Variants in NBDY observed in about 807,000 individuals in gnomAD.
NBDY encodes the protein negative regulator of P-body association.
At chrX:56,761,450 G>A (rs889875576) in intron 2 of NBDY, among the ~76,000 whole-genome samples, 1 of 113,327 alleles carries the variant, frequency 8.8e-6, no homozygotes, top group Non-Finnish European at 1.9e-5. Context: ...CACATGCAGT[G>A]CAGACCTGGG....
intron 2 of NBDY, among the ~76,000 whole-genome samples, chrX:56,794,796 T>G (rs1055211624): frequency 4.5e-5 from 5 of 112,312 alleles, no homozygotes; most frequent in African/African-American, 1.6e-4. Context: ...CAGCAGTCTT[T>G]TTCTTGCTGA....
chrX:56,818,473 C>T lies in NBDY; in HGVS notation c.*1320C>T, dbSNP rs1031822524. The T allele has an allele frequency of 1.8e-5, 2 of 111,820 alleles. No individual in the cohort carries two copies. The highest frequency in any genetic ancestry group is 3.2e-5 in the African/African-American group (1 of 30,788). 9.2% of individuals were successfully genotyped at this position (111,820 alleles called of 1,213,427 possible). On this transcript the variant is annotated 3_prime_UTR_variant, in exon 3 of 3. Transcript: ENST00000374922. ...TTATTTTAAAGATTGTATAATATTA[C>T]TAATCACACATTAGAGTTTTAAAAC...
chrX:56,739,675 G>T (rs144893057), intron 2 of NBDY, among the ~76,000 whole-genome samples: 1 of 110,782 alleles, frequency 9.0e-6, no homozygotes, highest in African/African-American at 3.3e-5. Flanking sequence ...CATGATGCTG[G>T]TTTGACCCTT....
intron 2 of NBDY, among the ~76,000 whole-genome samples, chrX:56,797,355 T>C (rs1429956444): frequency 1.8e-5 from 2 of 109,927 alleles, no homozygotes; most frequent in Admixed American, 9.9e-5. Flanking sequence ...TTCCTTTTTT[T>C]TTCACTTTTG....
intron 2 of NBDY, among the ~76,000 whole-genome samples, chrX:56,733,730 T>C (rs1419409133): frequency 8.9e-6 from 1 of 112,444 alleles, no homozygotes; most frequent in Non-Finnish European, 1.9e-5. Context: ...TTGTTCACTT[T>C]CTAACCATCC....
At chrX:56,745,434 C>T (rs768793072) in intron 2 of NBDY, among the ~76,000 whole-genome samples, 1 of 110,299 alleles carries the variant, frequency 9.1e-6, no homozygotes, top group African/African-American at 3.3e-5. Flanking sequence ...TATATACATA[C>T]ACAGATTTTT....
intron 2 of NBDY, among the ~76,000 whole-genome samples, chrX:56,734,060 A>G (rs2069473680): frequency 8.9e-6 from 1 of 112,523 alleles, no homozygotes. Flanking sequence ...GCTAAATGAA[A>G]TCATTACCAA....
At chrX:56,812,114 G>T (rs1418100548) in intron 2 of NBDY, among the ~76,000 whole-genome samples, 1 of 110,685 alleles carries the variant, frequency 9.0e-6, no homozygotes, top group Non-Finnish European at 1.9e-5. Context: ...AGATGAACCT[G>T]GTACCTCAGT....
intron 2 of NBDY, among the ~76,000 whole-genome samples, chrX:56,740,982 C>G (rs1338374568): frequency 9.0e-6 from 1 of 110,714 alleles, no homozygotes; most frequent in Non-Finnish European, 1.9e-5. Context: ...CACTCTCCCC[C>G]ACCACCCATT....
At chrX:56,799,752 AACAC>A (rs1450644022) in intron 2 of NBDY, among the ~76,000 whole-genome samples, 1 of 112,499 alleles carries the variant, frequency 8.9e-6, no homozygotes, top group East Asian at 2.8e-4. Context: ...AAACAAAACA[AACAC>A]ACACAAAAAA....
At chrX:56,750,955 C>T (rs971429558) in intron 2 of NBDY, among the ~76,000 whole-genome samples, 1 of 111,193 alleles carries the variant, frequency 9.0e-6, no homozygotes, top group African/African-American at 3.3e-5. Flanking sequence ...ACATTGCTCC[C>T]CTACTTAAAA....
intron 2 of NBDY, among the ~76,000 whole-genome samples, chrX:56,741,186 A>G (rs1333726901): frequency 9.0e-6 from 1 of 111,374 alleles, no homozygotes; most frequent in East Asian, 2.8e-4. Context: ...CTTTTTTATG[A>G]CTGATTAGTA....
At chrX:56,751,787 A>T (rs1435214694) in intron 2 of NBDY, among the ~76,000 whole-genome samples, 2 of 112,148 alleles carry the variant, frequency 1.8e-5, no homozygotes, top group Non-Finnish European at 3.8e-5. Context: ...TAAAATTTTA[A>T]CTATTATTTT....
chrX:56,793,585 C>A (rs1208290344), intron 2 of NBDY, among the ~76,000 whole-genome samples: 1 of 110,749 alleles, frequency 9.0e-6, no homozygotes, highest in Non-Finnish European at 1.9e-5. Flanking sequence ...TTTGTGGAGC[C>A]ATACTGCCAT....
At chrX:56,810,546 T>C (rs761126753) in intron 2 of NBDY, among the ~76,000 whole-genome samples, 85 of 109,838 alleles carry the variant, frequency 7.7e-4, no homozygotes, top group Non-Finnish European at 1.4e-3. Flanking sequence ...CATTCAGCTA[T>C]TGATACCTGT....
intron 2 of NBDY, among the ~76,000 whole-genome samples, chrX:56,781,042 C>G (rs765634469): frequency 1.6e-4 from 18 of 111,224 alleles, no homozygotes; most frequent in Admixed American, 3.8e-4. Context: ...GGGGCCCCTC[C>G]TTTTGTGCCT....
rs763872624 is a variant in NBDY at position 56,791,904 on chromosome X, C to G, written c.*167-25416C>G. On this transcript the variant is annotated intron_variant, in intron 2 of 2. Coordinates refer to ENST00000374922, the MANE Select transcript of NBDY (RefSeq NM_001348129.2). Reference sequence around the variant, plus strand: ...TCTTCTTCTTATTGTTGTTGTTGTTCTTCTTCTTCTTCCTCTTCCTCTTCC... The same window carrying G: ...TCTTCTTCTTATTGTTGTTGTTGTTGTTCTTCTTCTTCCTCTTCCTCTTCC... Among the ~76,000 whole-genome samples, 26 of 108,783 alleles carry G rather than the reference C, an allele frequency of 2.4e-4. No homozygotes were observed. The South Asian group carries it at 3.2e-3, about 14-fold the overall frequency. The allele number at this position is 108,783 out of a possible 115,157, so 94.5% of individuals were successfully genotyped here.
At chrX:56,760,730 C>T (rs984065035) in intron 2 of NBDY, among the ~76,000 whole-genome samples, 1 of 111,882 alleles carries the variant, frequency 8.9e-6, no homozygotes, top group Admixed American at 9.4e-5. Flanking sequence ...AACAAAGAAA[C>T]AAACCGGCCA....
intron 2 of NBDY, among the ~76,000 whole-genome samples, chrX:56,739,846 G>T (rs1173525500): frequency 9.0e-6 from 1 of 111,192 alleles, no homozygotes; most frequent in Non-Finnish European, 1.9e-5. Flanking sequence ...TCATCCACTG[G>T]TTTTCAAATC....
Sources: allele counts gnomAD v4.1 joint callset (sites outside exome capture counted in the v4.1 genomes callset), GRCh38; gene constraint gnomAD v4.1.1; transcripts MANE v1.5; gene names NCBI Gene and HGNC (gene_info 2026-07-23, HGNC 2026-07-21).